MYH15: variants seen among roughly 807,000 people sequenced by gnomAD.
The protein encoded by MYH15 is myosin-15.
In MYH15, 227 loss-of-function variants were observed where a neutral mutation model predicts 240.5. That is an observed-to-expected ratio of 0.94 (90% confidence interval 0.85 to 1.05). The LOEUF is 1.05. Among genes scored for constraint, MYH15 ranks in the 50% least tolerant of loss-of-function variants. The probability of loss-of-function intolerance (pLI) is 0.00; values close to 1 mark genes in which losing one functional copy is unlikely to be tolerated. For missense variants in MYH15, 2,217 were observed against 2,247.5 expected (o/e 0.99, Z 0.27); for synonymous variants, 785 against 796.7 (o/e 0.99, Z 0.25).
intron 33 of MYH15, among the ~76,000 whole-genome samples, chr3:108,403,892 G>A (rs75737575): frequency 2.6e-5 from 4 of 151,906 alleles, no homozygotes; most frequent in African/African-American, 9.7e-5. Flanking sequence ...AGATGTAGCT[G>A]ACGAGACACA....
intron 38 of MYH15, among the ~76,000 whole-genome samples, chr3:108,385,452 G>A (rs1478908937): frequency 1.3e-5 from 2 of 152,116 alleles, no homozygotes; most frequent in Admixed American, 6.5e-5. Context: ...ATCCAGCCTC[G>A]GGCTGAAGAA....
the MYH15 span, among the ~76,000 whole-genome samples, chr3:108,539,325 G>A: frequency 6.6e-6 from 1 of 152,176 alleles, no homozygotes; most frequent in Non-Finnish European, 1.5e-5. Context: ...ACTTAAGTTT[G>A]AGGAGGAGGG....
chr3:108,528,956 A>G (rs1334799483), intron 1 of MYH15, among the ~76,000 whole-genome samples: 1 of 152,248 alleles, frequency 6.6e-6, no homozygotes. Flanking sequence ...GGAAAATTTC[A>G]GCACCATGAC....
Position 108,410,620 on chromosome 3 carries a change from G to A in MYH15, c.4458C>T (p.Gly1486=). The A allele has an allele frequency of 6.2e-7, 1 of 1,605,458 alleles. No individual in the cohort carries two copies. Among genetic ancestry groups the A allele is most frequent in the Non-Finnish European group, 8.5e-7 (1 of 1,172,962 alleles). The change falls in exon 31 of 41, where the codon GGC becomes GGT. Residue 1486 remains glycine (G), a synonymous_variant. Transcript: ENST00000693548. ...TGTTCTCCCTCCTGAGTGTCTCCTGGCCCACGATGCTCTCCTCATAGGTGT... is the reference window on the plus strand; with the variant it reads ...TGTTCTCCCTCCTGAGTGTCTCCTGACCCACGATGCTCTCCTCATAGGTGT... ...LKNTYEESIV[G]QETLRRENKN...
chr3:108,424,133 C>G (rs12633288), intron 27 of MYH15, among the ~76,000 whole-genome samples: 2 of 152,026 alleles, frequency 1.3e-5, no homozygotes, highest in Non-Finnish European at 2.9e-5. Flanking sequence ...GTCAATGGTG[C>G]GTGGAAATGG....
chr3:108,384,346 C>T (rs1412414022), intron 39 of MYH15, among the ~76,000 whole-genome samples: 1 of 152,104 alleles, frequency 6.6e-6, no homozygotes, highest in Non-Finnish European at 1.5e-5. Flanking sequence ...TATGTTTACC[C>T]AAGGTTTTGG....
At chr3:108,425,292 G>A (rs951698536) in intron 27 of MYH15, among the ~76,000 whole-genome samples, 1 of 152,182 alleles carries the variant, frequency 6.6e-6, no homozygotes, top group African/African-American at 2.4e-5. Context: ...AGGTTACAAG[G>A]TACCTTGAAA....
upstream of MYH15, chr3:108,529,463 A>C (rs1181114221): frequency 7.7e-6 from 4 of 522,068 alleles, no homozygotes; most frequent in African/African-American, 6.0e-5. Context: ...ATAATTTCAA[A>C]ATTCAGACTG....
At chr3:108,442,472 A>G (rs1313619057) in intron 22 of MYH15, among the ~76,000 whole-genome samples, 1 of 152,192 alleles carries the variant, frequency 6.6e-6, no homozygotes, top group Non-Finnish European at 1.5e-5. Flanking sequence ...AATAATGGGG[A>G]CATTTTATCT....
intron 6 of MYH15, among the ~76,000 whole-genome samples, chr3:108,496,413 C>A (rs1283231883): frequency 6.6e-6 from 1 of 152,120 alleles, no homozygotes; most frequent in Non-Finnish European, 1.5e-5. Context: ...GGCTGATAGG[C>A]AAAAACAGAT....
chr3:108,485,052 G>A (rs766192412), intron 11 of MYH15, 39 bp downstream of exon 11: 1 of 1,605,178 alleles, frequency 6.2e-7, no homozygotes, highest in Non-Finnish European at 8.5e-7. Context: ...TGGGCCCAGA[G>A]ATTTGAAGTA....
In MYH15 at chr3:108,493,616, G is replaced by A. The variant is rs1308356050; in HGVS notation, c.712-439C>T. Among the ~76,000 whole-genome samples the A allele has an allele frequency of 5.3e-5, 8 of 152,142 alleles. No individual in the cohort carries two copies. The East Asian group carries it at 5.8e-4, about 11-fold the overall frequency. On this transcript the variant is annotated intron_variant, in intron 7 of 40. Transcript: ENST00000693548. ...TAACCTTCTAGGCACTGGAGATACC[G>A]CACAAAAAAAATAGACATGGCCCCT...
chr3:108,449,967 C>T (rs978065815), intron 21 of MYH15, among the ~76,000 whole-genome samples: 3 of 151,968 alleles, frequency 2.0e-5, no homozygotes, highest in Non-Finnish European at 4.4e-5. Flanking sequence ...AAAAAATGTT[C>T]AACATCACTA....
intron 9 of MYH15, 149 bp from the exon 10 acceptor site, chr3:108,486,675 A>G: frequency 4.1e-6 from 2 of 487,606 alleles, no homozygotes; most frequent in Non-Finnish European, 7.3e-6. Flanking sequence ...CCAAACTTCT[A>G]CAATCAATGT....
chr3:108,441,921 T>A (rs1321613063), intron 22 of MYH15, among the ~76,000 whole-genome samples: 1 of 152,230 alleles, frequency 6.6e-6, no homozygotes, highest in Non-Finnish European at 1.5e-5. Context: ...TCACAGGCAC[T>A]GCCTCCAGCT....
chr3:108,442,042 T>A (rs72939874), intron 22 of MYH15, among the ~76,000 whole-genome samples: 3 of 152,234 alleles, frequency 2.0e-5, no homozygotes. Flanking sequence ...GTCTTCTTTA[T>A]TGGCTAAATA....
rs1576202316 is a variant in MYH15, at chr3:108,388,987, T to A, written c.5518A>T (p.Lys1840Ter). Residue 1840 changes from lysine to a stop codon, truncating the protein, a stop_gained, in exon 38 of 41, where the codon AAA (lysine) becomes TAA (stop). Coordinates refer to ENST00000693548, the MANE Select transcript of MYH15 (RefSeq NM_014981.3). LOFTEE classifies it high-confidence loss of function. Reference protein sequence around the residue: ...RGARRLERCIKELTYQAEEDK... With the variant: ...RGARRLERCI ...TGGAGTACCTGATAGGTCAGCTCTT[T>A]GATGCATCGCTCAAGTCTGCGGGCT... 6.2e-7 allele frequency: 1 copy of A among 1,613,682 alleles called. No individual in the cohort carries two copies. The highest frequency in any genetic ancestry group is 8.5e-7 in the Non-Finnish European group (1 of 1,179,760).
intron 29 of MYH15, among the ~76,000 whole-genome samples, chr3:108,415,390 G>A (rs1023864988): frequency 1.3e-5 from 2 of 152,210 alleles, no homozygotes; most frequent in Middle Eastern, 3.2e-3. Context: ...AAGGATGCAG[G>A]CTTTGGAGTC....
upstream of MYH15, among the ~76,000 whole-genome samples, chr3:108,513,302 A>C (rs1222494852): frequency 6.6e-6 from 1 of 152,212 alleles, no homozygotes; most frequent in Non-Finnish European, 1.5e-5. Flanking sequence ...ACACATGTTT[A>C]TCGGAGAATT....
Sources: allele counts gnomAD v4.1 joint callset (sites outside exome capture counted in the v4.1 genomes callset), GRCh38; gene constraint gnomAD v4.1.1; transcripts MANE v1.5; gene names NCBI Gene and HGNC (gene_info 2026-07-23, HGNC 2026-07-21).